NPAS2: variants seen among roughly 807,000 people sequenced by gnomAD.
The protein encoded by NPAS2 is neuronal PAS domain-containing protein 2.
NPAS2 carries 23 observed loss-of-function variants against 107.5 expected under a neutral mutation model. That is an observed-to-expected ratio of 0.21 (90% CI 0.15 to 0.30). NPAS2 has a LOEUF of 0.30. Among genes scored for constraint, NPAS2 ranks in the 10% least tolerant of loss-of-function variants. NPAS2 has a pLI of 1.00. For missense variants in NPAS2, 756 were observed against 1,043.3 expected (o/e 0.72, Z 3.79); for synonymous variants, 403 against 417.5 (o/e 0.97, Z 0.42).
chr2:100,923,938 G>A (rs1573631110), intron 2 of NPAS2, among the ~76,000 whole-genome samples: 3 of 152,276 alleles, frequency 2.0e-5, no homozygotes, highest in Admixed American at 6.5e-5. Flanking sequence ...TGAGAGCCAC[G>A]ATTCCCTACT....
chr2:100,954,198 A>G (rs572766409), intron 7 of NPAS2, among the ~76,000 whole-genome samples: 16 of 152,318 alleles, frequency 1.1e-4, no homozygotes, highest in African/African-American at 3.8e-4. Context: ...AGGGACCAGG[A>G]CATGAGAGCC....
At chr2:100,921,654 T>C (rs1683234579) in intron 2 of NPAS2, among the ~76,000 whole-genome samples, 1 of 152,112 alleles carries the variant, frequency 6.6e-6, no homozygotes. Flanking sequence ...AAATGGCCAT[T>C]AAGCATGTAA....
At chr2:100,988,013 A>C in intron 16 of NPAS2, 66 bp from the exon 17 acceptor site, 2 of 1,537,564 alleles carry the variant, frequency 1.3e-6, no homozygotes, top group Non-Finnish European at 1.8e-6. Context: ...AGGGAATGCA[A>C]AGGAGGTGCA....
At position 100,988,602 on chromosome 2, in the gene NPAS2, C is replaced by G. The variant is rs1249818181; in HGVS notation, c.1827+326C>G. On this transcript the variant is annotated intron_variant, in intron 17 of 20. Transcript: ENST00000335681. ...AGGCAGATATGGCCATCCCAGAGAC[C>G]CACTGGCAGCTGAATGTCCCAACAC... 1.7e-5 allele frequency: 6 copies of G among 360,270 alleles called. No individual in the cohort carries two copies. In the Admixed American group the frequency reaches 2.2e-4, roughly 13 times the overall value. 22.3% of individuals were successfully genotyped at this position (360,270 alleles called of 1,614,324 possible).
chr2:100,892,537 G>A lies in NPAS2; in HGVS notation c.-22-12196G>A, dbSNP rs369235109. ...GGCTCCAGCAAGCACTGTGAGACCC[G>A]GCTCCTTGGGACAAGGCTGGAGAGG... On this transcript the variant is annotated intron_variant, in intron 1 of 20. Coordinates refer to ENST00000335681, the MANE Select transcript of NPAS2 (RefSeq NM_002518.4). 3.3e-5 allele frequency among the ~76,000 whole-genome samples: 5 copies of A among 152,134 alleles called. No individual in the cohort carries two copies. The East Asian group carries it at 7.8e-4, about 24-fold the overall frequency.
intron 1 of NPAS2, among the ~76,000 whole-genome samples, chr2:100,878,928 C>T (rs1481693629): frequency 6.6e-6 from 1 of 151,878 alleles, no homozygotes; most frequent in African/African-American, 2.4e-5. Flanking sequence ...AGACCAGCCT[C>T]GCCAACATGG....
At chr2:100,826,200 T>G (rs1399504406) in intron 1 of NPAS2, among the ~76,000 whole-genome samples, 1 of 152,164 alleles carries the variant, frequency 6.6e-6, no homozygotes, top group African/African-American at 2.4e-5. Context: ...TCCCAGCACT[T>G]TGGGAGGCCG....
At chr2:100,928,718 G>T (rs1558880693) in intron 3 of NPAS2, among the ~76,000 whole-genome samples, 1 of 152,126 alleles carries the variant, frequency 6.6e-6, no homozygotes, top group Non-Finnish European at 1.5e-5. Context: ...GCAAAACTTG[G>T]ATTAAAGCAA....
chr2:100,834,358 G>A (rs555356987), intron 1 of NPAS2, among the ~76,000 whole-genome samples: 7 of 152,324 alleles, frequency 4.6e-5, no homozygotes, highest in African/African-American at 1.2e-4. Flanking sequence ...GCTCTCTGCC[G>A]TGAGTAGCAT....
chr2:100,901,869 T>G (rs1355327852), intron 1 of NPAS2, among the ~76,000 whole-genome samples: 2 of 152,084 alleles, frequency 1.3e-5, no homozygotes, highest in Non-Finnish European at 2.9e-5. Flanking sequence ...TCTGCTTTCC[T>G]GTTGGGACCC....
rs780846918 is a variant in NPAS2, at chr2:100,968,678, C to A, written c.1055+250C>A. 6.6e-6 allele frequency among the ~76,000 whole-genome samples: 1 copy of A among 152,144 alleles called. No homozygotes were observed. The highest frequency in any genetic ancestry group is 2.4e-5 in the African/African-American group (1 of 41,418). On this transcript the variant is annotated intron_variant, in intron 11 of 20. Coordinates refer to ENST00000335681, the MANE Select transcript of NPAS2 (RefSeq NM_002518.4). This position sits in a 1 kb window ranked among gnomAD's most constrained non-coding sequence, Gnocchi z 5.3. Reference sequence around the variant, plus strand: ...AAGCTCTCAGTCAGGCCCCTTTGAACGCCTCATGGACTCTCGCAGGCTGCC... The same window carrying A: ...AAGCTCTCAGTCAGGCCCCTTTGAAAGCCTCATGGACTCTCGCAGGCTGCC...
In NPAS2 at chr2:100,990,457, G is replaced by A; in HGVS notation, c.2018+11G>A. 6.2e-7 allele frequency: 1 copy of A among 1,613,802 alleles called. No individual in the cohort carries two copies. Among genetic ancestry groups the A allele is most frequent in the Non-Finnish European group, 8.5e-7 (1 of 1,179,730 alleles). ...TGATCGGCAGCTCAGGTACGAGACT[G>A]CCCTTGTTTAAAGGATAACCCAGGC... On this transcript the variant is annotated intron_variant, in intron 18 of 20. Transcript: ENST00000335681.
rs1678456111 is a variant in NPAS2 at position 100,996,762 on chromosome 2, G to A, written c.*1180G>A. ...CCAGTTCCTTTTCCCAAATATAAAA[G>A]TATAAAAGTTTTCTTGTGTTTTTCT... On this transcript the variant is annotated 3_prime_UTR_variant, in exon 21 of 21. Coordinates refer to ENST00000335681, the MANE Select transcript of NPAS2 (RefSeq NM_002518.4). 1 of 152,320 alleles carries A rather than the reference G, an allele frequency of 6.6e-6. No individual in the cohort carries two copies. Among genetic ancestry groups the A allele is most frequent in the Non-Finnish European group, 1.5e-5 (1 of 68,030 alleles). The allele number at this position is 152,320 out of a possible 1,614,324, so 9.4% of individuals were successfully genotyped here.
intron 2 of NPAS2, among the ~76,000 whole-genome samples, chr2:100,922,786 G>C (rs761568037): frequency 6.6e-6 from 1 of 152,198 alleles, no homozygotes; most frequent in Non-Finnish European, 1.5e-5. Context: ...GGACACCACA[G>C]TGTGTCCCAG....
At chr2:100,937,871 G>A (rs372424537) in intron 5 of NPAS2, 29 bp downstream of exon 5, 106 of 1,468,152 alleles carry the variant, frequency 7.2e-5, no homozygotes, top group East Asian at 4.1e-4. Flanking sequence ...GGCCTTTACC[G>A]GTTCACGTTA....
intron 2 of NPAS2, among the ~76,000 whole-genome samples, chr2:100,924,108 C>G (rs1189201178): frequency 6.6e-6 from 1 of 152,258 alleles, no homozygotes; most frequent in African/African-American, 2.4e-5. Context: ...CATTTTTAGG[C>G]TCACAGACAA....
chr2:100,906,256 T>C (rs1682140072), intron 2 of NPAS2, among the ~76,000 whole-genome samples: 1 of 152,168 alleles, frequency 6.6e-6, no homozygotes, highest in South Asian at 2.1e-4. Flanking sequence ...CCACTTGGGT[T>C]CCAAGCAACA....
intron 8 of NPAS2, 150 bp downstream of exon 8, chr2:100,964,326 A>T: frequency 2.9e-6 from 2 of 690,436 alleles, no homozygotes; most frequent in South Asian, 3.3e-5. Flanking sequence ...CTGTGCCTGC[A>T]CACACGCCCT....
At chr2:100,959,600 C>T (rs1294873161) in intron 7 of NPAS2, among the ~76,000 whole-genome samples, 1 of 152,216 alleles carries the variant, frequency 6.6e-6, no homozygotes, top group African/African-American at 2.4e-5. Flanking sequence ...CCTCAACATT[C>T]CAAAGCCATA....
Sources: allele counts gnomAD v4.1 joint callset (sites outside exome capture counted in the v4.1 genomes callset), GRCh38; gene constraint gnomAD v4.1.1; non-coding constraint Gnocchi (gnomAD v3.1); transcripts MANE v1.5; gene names NCBI Gene and HGNC (gene_info 2026-07-23, HGNC 2026-07-21).